LRRFIP1: variants seen among roughly 807,000 people sequenced by gnomAD.
LRRFIP1 encodes the protein leucine-rich repeat flightless-interacting protein 1.
A neutral mutation model predicts 104.4 loss-of-function variants in LRRFIP1; 62 were observed. The ratio of observed to expected loss-of-function variants is 0.59; its 90% confidence interval spans 0.48 to 0.73. The LOEUF is 0.73. LRRFIP1 is among the 30% of genes least tolerant of loss of function. The probability of loss-of-function intolerance (pLI) is 0.00; values close to 1 mark genes in which losing one functional copy is unlikely to be tolerated. For synonymous variants in LRRFIP1, 300 were observed against 299.0 expected, an observed-to-expected ratio of 1.00 and a Z score of -0.03; for missense variants, 796 against 824.5, an observed-to-expected ratio of 0.97 and a Z score of 0.42.
intron 11 of LRRFIP1, among the ~76,000 whole-genome samples, chr2:237,746,139 A>T (rs1364484819): frequency 3.3e-5 from 5 of 149,578 alleles, no homozygotes; most frequent in African/African-American, 9.9e-5. Flanking sequence ...GCTCACTGCA[A>T]CCTCTACCTC....
intron 1 of LRRFIP1, among the ~76,000 whole-genome samples, chr2:237,643,967 C>A (rs2084458422): frequency 2.6e-5 from 4 of 152,180 alleles, no homozygotes; most frequent in Admixed American, 2.0e-4. Context: ...GACCTTACCC[C>A]TCCTTCATGT....
intron 1 of LRRFIP1, among the ~76,000 whole-genome samples, chr2:237,697,235 G>C (rs1018240883): frequency 6.6e-6 from 1 of 152,010 alleles, no homozygotes; most frequent in African/African-American, 2.4e-5. Flanking sequence ...ATTGGCCGGG[G>C]TGGTCTCAAA....
At chr2:237,672,534 A>G (rs1251346954) in intron 1 of LRRFIP1, among the ~76,000 whole-genome samples, 1 of 152,266 alleles carries the variant, frequency 6.6e-6, no homozygotes, top group Non-Finnish European at 1.5e-5. Context: ...GAAAAATAAA[A>G]GATCTTAAAA....
At chr2:237,713,752 G>A (rs573125432) in intron 2 of LRRFIP1, among the ~76,000 whole-genome samples, 73 of 152,118 alleles carry the variant, frequency 4.8e-4, no homozygotes, top group Non-Finnish European at 7.8e-4. Context: ...CCTCTTTTAG[G>A]AATATTTCTG....
rs963791249 is a variant in LRRFIP1, at chr2:237,703,505, C to T, written c.97-5039C>T. ...AGGTTCCAGATACGGAGGCTGAGGG[C>T]GAGGGTCTGCACCCCAGGCGTCTGC... On this transcript the variant is annotated intron_variant, in intron 1 of 23. Transcript: ENST00000308482. This position sits in a 1 kb window ranked among gnomAD's most constrained non-coding sequence, Gnocchi z 4.3. Among the ~76,000 whole-genome samples the T allele has an allele frequency of 1.3e-5, 2 of 152,102 alleles. No individual in the cohort carries two copies. Among genetic ancestry groups the T allele is most frequent in the East Asian group, 1.9e-4 (1 of 5,192 alleles).
chr2:237,751,275 C>G lies in LRRFIP1; in HGVS notation c.867+4C>G. On this transcript the variant is annotated splice_donor_region_variant and intron_variant, in intron 14 of 23. Coordinates refer to ENST00000308482, the MANE Select transcript of LRRFIP1 (RefSeq NM_001137550.2). ...GCAGGGATTGAAAGAGATGAAGGTA[C>G]CAATTCACAGACGTGTGGTCTCACG... 1.2e-6 allele frequency: 2 copies of G among 1,602,262 alleles called. No homozygotes were observed. Among genetic ancestry groups the G allele is most frequent in the African/African-American group, 2.7e-5 (2 of 74,706 alleles).
chr2:237,763,412 A>G, intron 19 of LRRFIP1: 1 of 1,614,016 alleles, frequency 6.2e-7, no homozygotes, highest in Non-Finnish European at 8.5e-7. Context: ...CTCATCGCAG[A>G]AGAAGACAAA....
chr2:237,719,727 C>T (rs180967852), intron 5 of LRRFIP1, among the ~76,000 whole-genome samples, 160 bp downstream of exon 5: 1 of 152,100 alleles, frequency 6.6e-6, no homozygotes, highest in African/African-American at 2.4e-5. Flanking sequence ...GATATTATTA[C>T]CTAAATAAAG....
chr2:237,735,725 A>G lies in LRRFIP1; in HGVS notation c.555+392A>G. ...AACAAATTTTAAAACTTGGAATGTTACGCATATTTCATTCCCTGTTTGTAT... is the reference window on the plus strand; with the variant it reads ...AACAAATTTTAAAACTTGGAATGTTGCGCATATTTCATTCCCTGTTTGTAT... On this transcript the variant is annotated intron_variant, in intron 10 of 23. Coordinates refer to ENST00000308482, the MANE Select transcript of LRRFIP1 (RefSeq NM_001137550.2). The surrounding 1 kb of genome is among the most constrained non-coding windows in gnomAD (Gnocchi z 4.6). The G allele has an allele frequency of 5.5e-6, 1 of 180,304 alleles. No individual in the cohort carries two copies. Among genetic ancestry groups the G allele is most frequent in the Non-Finnish European group, 1.2e-5 (1 of 85,538 alleles). 11.2% of individuals were successfully genotyped at this position (180,304 alleles called of 1,614,324 possible). A position where few individuals can be genotyped will look rare whatever the true frequency, so the allele number is the denominator to read the frequency against.
chr2:237,778,729 C>G (rs1278273427), intron 23 of LRRFIP1, among the ~76,000 whole-genome samples: 1 of 151,272 alleles, frequency 6.6e-6, no homozygotes, highest in Non-Finnish European at 1.5e-5. Flanking sequence ...CCAGCCTGAC[C>G]AACATGGTGA....
intron 2 of LRRFIP1, among the ~76,000 whole-genome samples, chr2:237,709,190 T>C (rs916552147): frequency 6.6e-6 from 1 of 152,192 alleles, no homozygotes; most frequent in Non-Finnish European, 1.5e-5. Context: ...ACACACCTGC[T>C]CAAGCCATTT....
At position 237,735,349 on chromosome 2, in the gene LRRFIP1, T is replaced by A. The variant is rs372005021; in HGVS notation, c.555+16T>A. ...CTCCCGTGCTGTAAGGCGCTTTCGG[T>A]GATACCTCCTTTCCCCCGTGCCTGC... On this transcript the variant is annotated intron_variant, in intron 10 of 23. Transcript: ENST00000308482. This position sits in a 1 kb window ranked among gnomAD's most constrained non-coding sequence, Gnocchi z 4.6. 2 of 1,611,122 alleles carry A rather than the reference T, an allele frequency of 1.2e-6. No homozygotes were observed. The highest frequency in any genetic ancestry group is 4.5e-5 in the East Asian group (2 of 44,850).
intron 1 of LRRFIP1, among the ~76,000 whole-genome samples, chr2:237,673,485 G>C (rs2090649604): frequency 6.6e-6 from 1 of 152,218 alleles, no homozygotes. Flanking sequence ...TGTACATCCA[G>C]TGCCGCGCGT....
chr2:237,736,916 A>G (rs745822525), intron 10 of LRRFIP1, among the ~76,000 whole-genome samples: 1 of 152,156 alleles, frequency 6.6e-6, no homozygotes, highest in Non-Finnish European at 1.5e-5. Context: ...TGTTTACAGG[A>G]GGGCCTTGGG....
intron 6 of LRRFIP1, 73 bp from the exon 7 acceptor site, chr2:237,723,475 C>A: frequency 2.7e-6 from 4 of 1,457,514 alleles, no homozygotes; most frequent in Non-Finnish European, 3.8e-6. Flanking sequence ...TTATGTTTTA[C>A]TTAGCTTTTA....
intron 14 of LRRFIP1, 68 bp from the exon 15 acceptor site, chr2:237,753,239 CAG>C: frequency 3.3e-6 from 4 of 1,230,206 alleles, no homozygotes; most frequent in Non-Finnish European, 4.5e-6. Flanking sequence ...TTTTTTTTAA[CAG>C]AATACTGAAT....
rs2149756299 is a variant in LRRFIP1, at chr2:237,691,804, C to T, written c.97-16740C>T. ...GAGCTGCGGCCGGAGCCTGAGGGGT[C>T]TTTTCCTCCAGGTCCTCTTTCCGGC... On this transcript the variant is annotated intron_variant, in intron 1 of 23. Coordinates refer to ENST00000308482, the MANE Select transcript of LRRFIP1 (RefSeq NM_001137550.2). The surrounding 1 kb of genome is among the most constrained non-coding windows in gnomAD (Gnocchi z 5.4). Among the ~76,000 whole-genome samples the T allele has an allele frequency of 6.6e-6, 1 of 152,260 alleles. No individual in the cohort carries two copies. The highest frequency in any genetic ancestry group is 1.9e-4 in the East Asian group (1 of 5,170).
intron 1 of LRRFIP1, among the ~76,000 whole-genome samples, chr2:237,648,125 C>T (rs1269866331): frequency 1.3e-5 from 2 of 151,974 alleles, no homozygotes; most frequent in Non-Finnish European, 2.9e-5. Flanking sequence ...GATTCTGACA[C>T]TCCACTCGCG....
chr2:237,646,405 C>T (rs577368040), intron 1 of LRRFIP1, among the ~76,000 whole-genome samples: 1 of 151,840 alleles, frequency 6.6e-6, no homozygotes, highest in Non-Finnish European at 1.5e-5. Flanking sequence ...TGATGCTCTC[C>T]CTCCCCACCC....
Sources: gnomAD v4.1 joint callset for allele counts (sites outside exome capture counted in the v4.1 genomes callset) on GRCh38, gnomAD v4.1.1 for gene constraint, Gnocchi (gnomAD v3.1) non-coding constraint, MANE v1.5 for transcripts, NCBI Gene and HGNC (gene_info 2026-07-23, HGNC 2026-07-21) for gene names.